The following CNTNAP2 variants were observed in gnomAD, a reference collection of about 807,000 sequenced individuals.
CNTNAP2 encodes the protein contactin associated protein 2.
Under a neutral mutation model 155.2 loss-of-function variants are expected in CNTNAP2, and 98 were observed. The ratio of observed to expected loss-of-function variants is 0.63; its 90% CI spans 0.54 to 0.75. The LOEUF (loss-of-function observed/expected upper bound fraction) is 0.75. Ranked by LOEUF, CNTNAP2 falls within the 30% of genes least tolerant of loss-of-function variation. The pLI, the probability that CNTNAP2 is intolerant of heterozygous loss-of-function variation, is 0.00. For missense variants in CNTNAP2, 1,727 were observed against 1,688.1 expected, an observed-to-expected ratio of 1.02 and a Z score of -0.40; for synonymous variants, 651 against 631.2, an observed-to-expected ratio of 1.03 and a Z score of -0.47.
At chr7:146,692,690 GT>G (rs1028699225) in intron 1 of CNTNAP2, among the ~76,000 whole-genome samples, 1 of 152,030 alleles carries the variant, frequency 6.6e-6, no homozygotes, top group Non-Finnish European at 1.5e-5. Flanking sequence ...AGTTTTTGTT[GT>G]TTTTTCATGT....
At chr7:146,246,324 G>C (rs1454680677) in intron 1 of CNTNAP2, among the ~76,000 whole-genome samples, 1 of 150,964 alleles carries the variant, frequency 6.6e-6, no homozygotes, top group Non-Finnish European at 1.5e-5. Flanking sequence ...GGAATAGTCA[G>C]GGAAGCAGAC....
intron 3 of CNTNAP2, among the ~76,000 whole-genome samples, chr7:146,919,684 C>T (rs873540): frequency 0.015 from 2,221 of 152,276 alleles, 58 homozygotes; most frequent in African/African-American, 0.05. Flanking sequence ...GGAGGTGGCA[C>T]GTTCAAGAGC....
intron 11 of CNTNAP2, among the ~76,000 whole-genome samples, chr7:147,523,998 G>C (rs1425643990): frequency 6.6e-6 from 1 of 152,098 alleles, no homozygotes; most frequent in Non-Finnish European, 1.5e-5. Flanking sequence ...TGAGTCCGTT[G>C]ACATTGCTTA....
intron 4 of CNTNAP2, among the ~76,000 whole-genome samples, chr7:147,106,926 G>C (rs1800777457): frequency 1.3e-5 from 2 of 152,226 alleles, no homozygotes; most frequent in Middle Eastern, 3.4e-3. Context: ...CATGAAATGA[G>C]AAAATATTTC....
At chr7:146,819,355 A>AATAAAAATAG (rs1803232455) in intron 2 of CNTNAP2, among the ~76,000 whole-genome samples, 1 of 152,142 alleles carries the variant, frequency 6.6e-6, no homozygotes, top group Non-Finnish European at 1.5e-5. Flanking sequence ...TTTACTTGAA[A>AATAAAAATAG]AGAGTGTGTT....
chr7:148,374,629 A>G (rs981386586), intron 21 of CNTNAP2, among the ~76,000 whole-genome samples: 4 of 152,204 alleles, frequency 2.6e-5, no homozygotes, highest in Non-Finnish European at 5.9e-5. Flanking sequence ...AGCGGAGCAC[A>G]CACAGAGATA....
intron 3 of CNTNAP2, among the ~76,000 whole-genome samples, chr7:146,902,968 C>T (rs1483046475): frequency 5.3e-5 from 8 of 152,192 alleles, no homozygotes; most frequent in Non-Finnish European, 1.2e-4. Context: ...CAGAACTACT[C>T]GAGTAGAGCA....
chr7:146,422,400 T>C (rs1796026273), intron 1 of CNTNAP2, among the ~76,000 whole-genome samples: 1 of 150,726 alleles, frequency 6.6e-6, no homozygotes, highest in East Asian at 1.9e-4. Context: ...TAATTCTGTG[T>C]GTGGTCTTTA....
intron 3 of CNTNAP2, among the ~76,000 whole-genome samples, chr7:147,025,548 C>T (rs963137172): frequency 1.3e-5 from 2 of 149,250 alleles, no homozygotes; most frequent in African/African-American, 2.5e-5. Context: ...GGCAAAGAAA[C>T]CTCCCATATC....
intron 4 of CNTNAP2, among the ~76,000 whole-genome samples, chr7:147,052,015 G>T (rs1799482709): frequency 6.6e-6 from 1 of 151,982 alleles, no homozygotes; most frequent in Non-Finnish European, 1.5e-5. Context: ...ATACATGAGT[G>T]ACCTGCTTGT....
At position 147,327,207 on chromosome 7, in the gene CNTNAP2, G is replaced by A. The variant is rs140587105; in HGVS notation, c.1498+26917G>A. Among the ~76,000 whole-genome samples the A allele has an allele frequency of 2.7e-4, 41 of 152,226 alleles. No individual in the cohort carries two copies. The East Asian group carries it at 7.9e-3, about 29-fold the overall frequency. ...TCTTACTAGTTCTAGGAACTCTTCT[G>A]AGCATTTTGCTGAACTTATCTCACT... On this transcript the variant is annotated intron_variant, in intron 9 of 23. Transcript: ENST00000361727.
At chr7:146,958,177 G>C (rs1033706680) in intron 3 of CNTNAP2, among the ~76,000 whole-genome samples, 11 of 152,120 alleles carry the variant, frequency 7.2e-5, no homozygotes, top group Non-Finnish European at 1.5e-4. Flanking sequence ...GGAAGGTGCA[G>C]CTGCCTTTAC....
intron 8 of CNTNAP2, among the ~76,000 whole-genome samples, chr7:147,279,045 A>C (rs1804969529): frequency 6.6e-6 from 1 of 151,596 alleles, no homozygotes; most frequent in African/African-American, 2.4e-5. Flanking sequence ...GAAGATGATT[A>C]AATAACTATA....
At chr7:148,234,579 T>C (rs1796015884) in intron 20 of CNTNAP2, among the ~76,000 whole-genome samples, 1 of 152,198 alleles carries the variant, frequency 6.6e-6, no homozygotes, top group Non-Finnish European at 1.5e-5. Flanking sequence ...TGCAAATGTA[T>C]TTGTTACAAG....
intron 3 of CNTNAP2, among the ~76,000 whole-genome samples, chr7:146,848,829 G>A (rs946862197): frequency 6.6e-6 from 1 of 152,204 alleles, no homozygotes; most frequent in East Asian, 1.9e-4. Flanking sequence ...CTTGAGTGCA[G>A]TAGAGCGATT....
At chr7:147,333,298 T>C (rs565286530) in intron 9 of CNTNAP2, among the ~76,000 whole-genome samples, 2 of 152,354 alleles carry the variant, frequency 1.3e-5, no homozygotes, top group African/African-American at 4.8e-5. Flanking sequence ...GCGTTCTGAT[T>C]CTTATCTAAC....
chr7:146,271,569 G>A lies in CNTNAP2; in HGVS notation c.97+154596G>A, dbSNP rs560433996. On this transcript the variant is annotated intron_variant, in intron 1 of 23. Transcript: ENST00000361727. Reference sequence around the variant, plus strand: ...ATTCACTCATACATTAAGAACTTGTGAAAACAGAAACATACTTCATAATGT... The same window carrying A: ...ATTCACTCATACATTAAGAACTTGTAAAAACAGAAACATACTTCATAATGT... Among the ~76,000 whole-genome samples the A allele has an allele frequency of 1.8e-3, 276 of 151,746 alleles. 3 individuals are homozygous for A. The highest frequency in any genetic ancestry group is 6.2e-3 in the African/African-American group (257 of 41,524).
chr7:146,635,219 A>G (rs1480640181), intron 1 of CNTNAP2, among the ~76,000 whole-genome samples: 2 of 152,204 alleles, frequency 1.3e-5, no homozygotes, highest in African/African-American at 4.8e-5. Flanking sequence ...GTGTATAAAA[A>G]TCTAATCATT....
At chr7:147,072,017 C>T (rs1395105426) in intron 4 of CNTNAP2, among the ~76,000 whole-genome samples, 1 of 152,072 alleles carries the variant, frequency 6.6e-6, no homozygotes, top group Non-Finnish European at 1.5e-5. Flanking sequence ...CATATTGCAC[C>T]TGTACTCATC....
Sources: allele counts gnomAD v4.1 joint callset (sites outside exome capture counted in the v4.1 genomes callset), GRCh38; gene constraint gnomAD v4.1.1; transcripts MANE v1.5; gene names NCBI Gene and HGNC (gene_info 2026-07-23, HGNC 2026-07-21).